PDCD6IP: variants seen among roughly 807,000 people sequenced by gnomAD.
PDCD6IP encodes programmed cell death 6-interacting protein.
Under a neutral mutation model 103.7 loss-of-function variants are expected in PDCD6IP, and 43 were observed. The ratio of observed to expected loss-of-function variants is 0.41; its 90% confidence interval spans 0.32 to 0.53. The LOEUF is 0.53. PDCD6IP is among the 20% of genes least tolerant of loss of function. The pLI is 0.16. For synonymous variants in PDCD6IP, 354 were observed against 378.7 expected (o/e 0.93, Z 0.76); for missense variants, 871 against 1,036.7 (o/e 0.84, Z 2.20).
chr3:33,836,943 C>T (rs192682108), intron 8 of PDCD6IP, among the ~76,000 whole-genome samples: 27 of 150,374 alleles, frequency 1.8e-4, no homozygotes, highest in African/African-American at 3.9e-4. Flanking sequence ...TTTTTTGAGA[C>T]GGAGTATCGC....
At chr3:33,856,189 C>T (rs1457128820) in intron 15 of PDCD6IP, among the ~76,000 whole-genome samples, 5 of 152,172 alleles carry the variant, frequency 3.3e-5, no homozygotes, top group Non-Finnish European at 7.3e-5. Flanking sequence ...CTTCCGCTCC[C>T]CTGTGGAAAA....
At chr3:33,806,769 A>T (rs1696608269) in intron 1 of PDCD6IP, among the ~76,000 whole-genome samples, 1 of 152,206 alleles carries the variant, frequency 6.6e-6, no homozygotes, top group Non-Finnish European at 1.5e-5. Flanking sequence ...GATGCTTGTG[A>T]TCTGGGCTGA....
intron 12 of PDCD6IP, among the ~76,000 whole-genome samples, chr3:33,846,897 G>A (rs981860882): frequency 1.9e-4 from 29 of 152,296 alleles, no homozygotes; most frequent in African/African-American, 7.0e-4. Context: ...GTTACCTTTA[G>A]TGTAGAGTAA....
chr3:33,816,821 G>A (rs1696864682), intron 3 of PDCD6IP, among the ~76,000 whole-genome samples: 1 of 152,150 alleles, frequency 6.6e-6, no homozygotes, highest in African/African-American at 2.4e-5. Context: ...AGGATTTTTA[G>A]TATTGTTATG....
intron 3 of PDCD6IP, among the ~76,000 whole-genome samples, chr3:33,819,425 C>G (rs556417732): frequency 4.6e-5 from 7 of 152,224 alleles, no homozygotes; most frequent in African/African-American, 1.4e-4. Context: ...CTTAGTTTTT[C>G]AGTTCGCATT....
At chr3:33,803,828 CT>C (rs1285786919) in intron 1 of PDCD6IP, among the ~76,000 whole-genome samples, 1 of 151,822 alleles carries the variant, frequency 6.6e-6, no homozygotes, top group East Asian at 1.9e-4. Flanking sequence ...TTTTTTCTAT[CT>C]TTTTGTATTG....
rs562748731 is a variant in PDCD6IP at position 33,799,009 on chromosome 3, C to G, written c.209+72C>G. On this transcript the variant is annotated intron_variant, in intron 1 of 17. Transcript: ENST00000307296. Reference sequence around the variant, plus strand: ...CGCCGCTCCTCTTCCCGTCTCCCCCCTTCCTTCAATCCTGTAACCTGGGCG... The same window carrying G: ...CGCCGCTCCTCTTCCCGTCTCCCCCGTTCCTTCAATCCTGTAACCTGGGCG... 541 of 1,340,924 alleles carry G rather than the reference C, an allele frequency of 4.0e-4. 7 individuals are homozygous for G. The South Asian group carries it at 6.4e-3, about 16-fold the overall frequency. 83.1% of individuals were successfully genotyped at this position (1,340,924 alleles called of 1,614,324 possible).
chr3:33,853,009 C>T (rs772351457), intron 13 of PDCD6IP, among the ~76,000 whole-genome samples: 6 of 151,452 alleles, frequency 4.0e-5, no homozygotes, highest in African/African-American at 7.3e-5. Context: ...CTGCAAGCTC[C>T]GCCTCCCGGG....
chr3:33,832,262 T>A (rs1697260610), intron 7 of PDCD6IP, among the ~76,000 whole-genome samples: 2 of 152,146 alleles, frequency 1.3e-5, no homozygotes, highest in South Asian at 4.1e-4. Context: ...TGGTGTCTCT[T>A]CTTGTACGGG....
At chr3:33,837,875 A>T (rs570318679) in intron 8 of PDCD6IP, among the ~76,000 whole-genome samples, 4 of 152,232 alleles carry the variant, frequency 2.6e-5, no homozygotes, top group Admixed American at 1.3e-4. Flanking sequence ...GGCCTTAGCC[A>T]CTGCTCCCGG....
chr3:33,848,699 G>A (rs1252046542), intron 12 of PDCD6IP, among the ~76,000 whole-genome samples: 1 of 152,082 alleles, frequency 6.6e-6, no homozygotes, highest in Non-Finnish European at 1.5e-5. Flanking sequence ...TACCGCGCCC[G>A]GCCCATTGAG....
In PDCD6IP at chr3:33,866,718, G is replaced by C. The variant is rs559992773; in HGVS notation, c.*193G>C. The C allele has an allele frequency of 2.4e-6, 1 of 421,760 alleles. No individual in the cohort carries two copies. The allele number at this position is 421,760 out of a possible 1,614,324, so 26.1% of individuals were successfully genotyped here. On this transcript the variant is annotated 3_prime_UTR_variant, in exon 18 of 18. Transcript: ENST00000307296. ...GATTACACATGTGAGATTTGCTGCTGTTGCAGTATAAACACTAGGTATAAT... is the reference window on the plus strand; with the variant it reads ...GATTACACATGTGAGATTTGCTGCTCTTGCAGTATAAACACTAGGTATAAT...
In PDCD6IP at chr3:33,868,635, C is replaced by T. The variant is rs764741074; in HGVS notation, c.*2110C>T. On this transcript the variant is annotated 3_prime_UTR_variant, in exon 18 of 18. Transcript: ENST00000307296. ...CACAGACAATCACAATAAATGCAGCCCTTTATTACTGTTAAGGATCATACT... is the reference window on the plus strand; with the variant it reads ...CACAGACAATCACAATAAATGCAGCTCTTTATTACTGTTAAGGATCATACT... The T allele has an allele frequency of 6.6e-6, 1 of 152,134 alleles. No individual in the cohort carries two copies. Among genetic ancestry groups the T allele is most frequent in the African/African-American group, 2.4e-5 (1 of 41,416 alleles). The allele number at this position is 152,134 out of a possible 1,614,324, so 9.4% of individuals were successfully genotyped here.
chr3:33,826,078 A>G (rs1204225044), intron 5 of PDCD6IP, among the ~76,000 whole-genome samples: 1 of 152,216 alleles, frequency 6.6e-6, no homozygotes, highest in Non-Finnish European at 1.5e-5. Flanking sequence ...GAGATAAGTC[A>G]TCATGTGGAA....
In PDCD6IP at chr3:33,845,464, A is replaced by G. The variant is rs1559791527; in HGVS notation, c.1517A>G (p.Asp506Gly). 6.2e-7 allele frequency: 1 copy of G among 1,614,078 alleles called. No individual in the cohort carries two copies. Among genetic ancestry groups the G allele is most frequent in the Admixed American group, 1.7e-5 (1 of 60,016 alleles). The stretch of plus-strand genomic sequence containing the variant: ...GTTTTAGATAAAGCTGTGCAGGCAG[A>G]TGGACAAGTGAAAGAATGTTACCAG... ...RTVLDKAVQA[D>G]GQVKECYQSH... Residue 506 changes from aspartate (D) to glycine (G), a missense_variant, in exon 12 of 18, where the codon GAT becomes GGT. Physicochemically the swap from Asp to Gly is moderately conservative, Grantham distance 94. Transcript: ENST00000307296.
At chr3:33,827,141 A>G (rs543952176) in intron 6 of PDCD6IP, 2 of 985,322 alleles carry the variant, frequency 2.0e-6, no homozygotes, top group South Asian at 9.4e-5. Flanking sequence ...AGGAAGTATA[A>G]TGTTTTAATG....
chr3:33,830,655 C>G lies in PDCD6IP; in HGVS notation c.834+1686C>G, dbSNP rs149981903. ...ACTTGGGAGGTTGAGGTGGGAGGAT[C>G]GTTTGAAGCTAGTAGTTTGAGGCCA... On this transcript the variant is annotated intron_variant, in intron 7 of 17. Coordinates refer to ENST00000307296, the MANE Select transcript of PDCD6IP (RefSeq NM_013374.6). Among the ~76,000 whole-genome samples, 42 of 152,128 alleles carry G rather than the reference C, an allele frequency of 2.8e-4. 1 individual carries two copies. Among genetic ancestry groups the G allele is most frequent in the Admixed American group, 7.9e-4 (12 of 15,276 alleles).
At position 33,826,492 on chromosome 3, in the gene PDCD6IP, A is replaced by G; in HGVS notation, c.629A>G (p.Asp210Gly). The G allele has an allele frequency of 6.2e-7, 1 of 1,604,872 alleles. No homozygotes were observed. The highest frequency in any genetic ancestry group is 1.1e-5 in the South Asian group (1 of 89,438). The change falls in exon 6 of 18, where the codon GAT becomes GGT. Residue 210 changes from aspartate to glycine, a missense_variant. By Grantham distance (94) the Asp-to-Gly change is moderately conservative. Transcript: ENST00000307296. ...FLKATRDKMK[D>G]AIIAKLANQA... Reference sequence around the variant, plus strand: ...TATTGTATTCCAGATAAAATGAAAGATGCCATCATAGCTAAATTGGCTAAT... The same window carrying G: ...TATTGTATTCCAGATAAAATGAAAGGTGCCATCATAGCTAAATTGGCTAAT...
chr3:33,848,414 T>C (rs1697642147), intron 12 of PDCD6IP, among the ~76,000 whole-genome samples: 2 of 151,162 alleles, frequency 1.3e-5, no homozygotes, highest in South Asian at 2.1e-4. Context: ...TTCTTTCTTT[T>C]TTTTTTTTGA....
Sources: allele counts gnomAD v4.1 joint callset (sites outside exome capture counted in the v4.1 genomes callset), GRCh38; gene constraint gnomAD v4.1.1; transcripts MANE v1.5; gene names NCBI Gene and HGNC (gene_info 2026-07-23, HGNC 2026-07-21).